AP3S1: variants seen among roughly 807,000 people sequenced by gnomAD.
AP3S1 encodes the protein adaptor related protein complex 3 subunit sigma 1, also known as AP-3 complex subunit sigma-1.
Under a neutral mutation model 21.3 loss-of-function variants are expected in AP3S1, and 12 were observed. The ratio of observed to expected loss-of-function variants is 0.56; its 90% CI spans 0.36 to 0.91. The LOEUF (loss-of-function observed/expected upper bound fraction) is 0.91, where lower values mean the gene tolerates loss of function less well. AP3S1 is among the 40% of genes least tolerant of loss of function. The probability of loss-of-function intolerance (pLI) is 0.01; values close to 1 mark genes in which losing one functional copy is unlikely to be tolerated. For missense variants in AP3S1, 116 were observed against 225.0 expected, an observed-to-expected ratio of 0.52 and a Z score of 3.10; for synonymous variants, 48 against 78.4, an observed-to-expected ratio of 0.61 and a Z score of 2.05.
intron 3 of AP3S1, among the ~76,000 whole-genome samples, chr5:115,880,446 T>C (rs973244860): frequency 3.3e-5 from 5 of 152,344 alleles, no homozygotes; most frequent in Middle Eastern, 3.4e-3. Context: ...TCTACCTTAA[T>C]TTCATTATTT....
At chr5:115,846,352 A>G (rs1762062567) in intron 1 of AP3S1, among the ~76,000 whole-genome samples, 1 of 152,178 alleles carries the variant, frequency 6.6e-6, no homozygotes, top group Non-Finnish European at 1.5e-5. Flanking sequence ...CTTTTGTGTG[A>G]ATTATCTTAG....
intron 1 of AP3S1, among the ~76,000 whole-genome samples, chr5:115,862,091 T>C (rs1216756856): frequency 1.3e-5 from 2 of 152,126 alleles, no homozygotes; most frequent in Non-Finnish European, 2.9e-5. Flanking sequence ...ATTATCCTTC[T>C]GTGACTGGTG....
At chr5:115,853,093 A>G (rs979420291) in intron 1 of AP3S1, 8 of 435,906 alleles carry the variant, frequency 1.8e-5, no homozygotes, top group Non-Finnish European at 2.8e-5. Flanking sequence ...TCCCACCAAC[A>G]ATGTCTGAGG....
intron 1 of AP3S1, among the ~76,000 whole-genome samples, chr5:115,866,447 A>G (rs1375041040): frequency 6.6e-6 from 1 of 152,138 alleles, no homozygotes; most frequent in Non-Finnish European, 1.5e-5. Context: ...GAAATGTGTT[A>G]CTTTTATTAT....
At chr5:115,873,064 A>G (rs991505570) in intron 3 of AP3S1, among the ~76,000 whole-genome samples, 10 of 152,198 alleles carry the variant, frequency 6.6e-5, no homozygotes, top group African/African-American at 2.4e-4. Context: ...GTTGCTATTA[A>G]GAAAGACCAA....
At chr5:115,895,550 T>C (rs1224759290) in intron 4 of AP3S1, among the ~76,000 whole-genome samples, 2 of 152,186 alleles carry the variant, frequency 1.3e-5, no homozygotes, top group Non-Finnish European at 2.9e-5. Context: ...ATATAAAATA[T>C]AGGCCTTTTT....
chr5:115,867,208 C>T (rs1222283222), intron 2 of AP3S1, among the ~76,000 whole-genome samples: 1 of 152,044 alleles, frequency 6.6e-6, no homozygotes, highest in Non-Finnish European at 1.5e-5. Flanking sequence ...TGCTGGTTCT[C>T]AGTATTTTCA....
At chr5:115,896,000 G>T (rs1020859678) in intron 4 of AP3S1, among the ~76,000 whole-genome samples, 1 of 152,100 alleles carries the variant, frequency 6.6e-6, no homozygotes, top group Non-Finnish European at 1.5e-5. Flanking sequence ...ACTATGTGCA[G>T]ATTTTTTTCT....
At chr5:115,910,868 T>C (rs903883173) in intron 5 of AP3S1, among the ~76,000 whole-genome samples, 1 of 152,188 alleles carries the variant, frequency 6.6e-6, no homozygotes. Flanking sequence ...CTTTAAATTT[T>C]CCTACCATTT....
At chr5:115,842,630 C>T (rs966129570) in intron 1 of AP3S1, 1 of 153,412 alleles carries the variant, frequency 6.5e-6, no homozygotes, top group African/African-American at 2.4e-5. Flanking sequence ...CACTGTGGTC[C>T]TCTCATAGCA....
intron 3 of AP3S1, among the ~76,000 whole-genome samples, chr5:115,890,663 T>G (rs1440820273): frequency 6.6e-6 from 1 of 152,244 alleles, no homozygotes; most frequent in Non-Finnish European, 1.5e-5. Context: ...GGGTGGAACT[T>G]AAGTGGCTTT....
chr5:115,880,799 G>T (rs142292078), intron 3 of AP3S1, among the ~76,000 whole-genome samples: 18 of 152,154 alleles, frequency 1.2e-4, no homozygotes, highest in Admixed American at 9.8e-4. Flanking sequence ...TGACAATGGG[G>T]TGTTAAACTC....
chr5:115,852,892 G>C, intron 1 of AP3S1: 1 of 366,256 alleles, frequency 2.7e-6, no homozygotes, highest in Non-Finnish European at 5.5e-6. Flanking sequence ...CATCTGGGTT[G>C]TTTCCACTTT....
chr5:115,888,611 T>C (rs1750000517), intron 3 of AP3S1, among the ~76,000 whole-genome samples: 1 of 152,028 alleles, frequency 6.6e-6, no homozygotes, highest in African/African-American at 2.4e-5. Context: ...TGCAGGGTAC[T>C]TTTTTTATAG....
intron 3 of AP3S1, among the ~76,000 whole-genome samples, chr5:115,875,952 T>C (rs975267692): frequency 1.3e-5 from 2 of 152,212 alleles, no homozygotes; most frequent in African/African-American, 2.4e-5. Context: ...ACATTGCTAT[T>C]TGTGACAAAT....
At chr5:115,864,890 C>T (rs2112822369) in intron 1 of AP3S1, among the ~76,000 whole-genome samples, 1 of 152,282 alleles carries the variant, frequency 6.6e-6, no homozygotes, top group South Asian at 2.1e-4. Flanking sequence ...GACAATCTGG[C>T]AGAAGAGTTC....
chr5:115,876,035 G>C lies in AP3S1; in HGVS notation c.273+5907G>C, dbSNP rs1401008621. Among the ~76,000 whole-genome samples, 6 of 152,142 alleles carry C rather than the reference G, an allele frequency of 3.9e-5. No homozygotes were observed. In the East Asian group the frequency reaches 7.7e-4, roughly 20 times the overall value. On this transcript the variant is annotated intron_variant, in intron 3 of 5. Coordinates refer to ENST00000316788, the MANE Select transcript of AP3S1 (RefSeq NM_001284.4). Reference sequence around the variant, plus strand: ...ATTGATGTCTTAGCAGTTCTTTTAGGAGGCATCATGGCGTCAGGTTTAGAG... The same window carrying C: ...ATTGATGTCTTAGCAGTTCTTTTAGCAGGCATCATGGCGTCAGGTTTAGAG...
intron 1 of AP3S1, chr5:115,852,885 C>G (rs372073095): frequency 2.8e-6 from 1 of 355,038 alleles, no homozygotes; most frequent in East Asian, 7.8e-5. Flanking sequence ...TGATGGACAT[C>G]TGGGTTGTTT....
Position 115,842,093 on chromosome 5 carries a change from T to G in AP3S1, c.56T>G (p.Phe19Cys). 6.3e-7 allele frequency: 1 copy of G among 1,576,458 alleles called. No homozygotes were observed. The highest frequency in any genetic ancestry group is 8.6e-7 in the Non-Finnish European group (1 of 1,163,176). Residue 19 changes from phenylalanine (F) to cysteine (C), a missense_variant, in exon 1 of 6, where the codon TTC (phenylalanine) becomes TGC (cysteine). Coordinates refer to ENST00000316788, the MANE Select transcript of AP3S1 (RefSeq NM_001284.4). ...NNHGKPRLSK[F>C]YQPYSEDTQQ... ...CACGGGAAGCCGCGGCTCTCCAAGT[T>G]CTACCAGCCCTACGTGAGTATCCAG...
Sources: allele counts gnomAD v4.1 joint callset (sites outside exome capture counted in the v4.1 genomes callset), GRCh38; gene constraint gnomAD v4.1.1; transcripts MANE v1.5; gene names NCBI Gene and HGNC (gene_info 2026-07-23, HGNC 2026-07-21).